The following MED13 variants were observed in gnomAD, a reference collection of about 807,000 sequenced individuals.
MED13 encodes the protein mediator complex subunit 13, also known as mediator of RNA polymerase II transcription subunit 13.
In MED13, 23 loss-of-function variants were observed where a neutral mutation model predicts 225.2. The ratio of observed to expected loss-of-function variants is 0.10; its 90% CI spans 0.07 to 0.14. MED13 has a LOEUF of 0.14. MED13 is among the 10% of genes least tolerant of loss of function. MED13 has a pLI of 1.00. For synonymous variants in MED13, 942 were observed against 889.2 expected, an observed-to-expected ratio of 1.06 and a Z score of -1.06; for missense variants, 2,197 against 2,594.5, an observed-to-expected ratio of 0.85 and a Z score of 3.33.
In MED13 at chr17:61,956,178, C is replaced by T. The variant is rs529312135; in HGVS notation, c.5623+161G>A. Among the ~76,000 whole-genome samples the T allele has an allele frequency of 1.4e-4, 21 of 152,258 alleles. 1 individual carries two copies. In the East Asian group the frequency reaches 3.9e-3, roughly 28 times the overall value. ...TAAAGTTAAAATAAGAGTAAAATGT[C>T]TTTTTAAAATTTGAATTAAGCCATT... is the stretch of plus-strand genomic sequence containing the variant. On this transcript the variant is annotated intron_variant, in intron 24 of 29. Transcript: ENST00000397786.
chr17:61,972,422 A>AT (rs967095146), intron 17 of MED13, among the ~76,000 whole-genome samples: 225 of 151,606 alleles, frequency 1.5e-3, no homozygotes, highest in African/African-American at 5.2e-3. Context: ...TAACAAAAGT[A>AT]TTTTTTTTGC....
rs750005064 is a variant in MED13 at position 61,965,221 on chromosome 17, G to A, written c.4629C>T (p.Ser1543=). The change falls in exon 20 of 30, where the codon TCC becomes TCT. Residue 1543 remains serine, a synonymous_variant. Transcript: ENST00000397786. The stretch of plus-strand genomic sequence containing the variant: ...ATGATACTCCACTATTCAAGTTGGA[G>A]GATGATGAAGATGAAGTTGAAGCTG... The part of the protein sequence containing the change: ...LTTASTSSSS[S]SNLNSGVSSN... The A allele has an allele frequency of 6.2e-6, 10 of 1,614,056 alleles. No homozygotes were observed. Among genetic ancestry groups the A allele is most frequent in the Admixed American group, 1.7e-5 (1 of 60,006 alleles).
intron 16 of MED13, among the ~76,000 whole-genome samples, chr17:61,981,427 A>G (rs780937619): frequency 6.0e-5 from 9 of 150,704 alleles, no homozygotes; most frequent in Non-Finnish European, 1.0e-4. Flanking sequence ...AAGGCCTTAC[A>G]TGGTCTATAA....
At position 62,031,553 on chromosome 17, in the gene MED13, G is replaced by C. The variant is rs771407332; in HGVS notation, c.900C>G (p.His300Gln). 1 of 1,613,950 alleles carries C rather than the reference G, an allele frequency of 6.2e-7. No homozygotes were observed. The highest frequency in any genetic ancestry group is 8.5e-7 in the Non-Finnish European group (1 of 1,179,954). Reference protein sequence around the residue: ...IPTPSPVGSTHCSSSCLGVHQ... With the variant: ...IPTPSPVGSTQCSSSCLGVHQ... ...GGACACCCAAGCAAGAAGATGAACA[G>C]TGAGTGGATCCCACAGGGCTAGGAG... The change falls in exon 6 of 30, where the codon CAC becomes CAG. Residue 300 changes from histidine (H) to glutamine (Q), a missense_variant. By Grantham distance (24) the His-to-Gln change is conservative. This residue lies in a region of MED13 where 884 missense variants were observed against 918.5 expected (regional missense o/e 0.96). Coordinates refer to ENST00000397786, the MANE Select transcript of MED13 (RefSeq NM_005121.3).
intron 4 of MED13, among the ~76,000 whole-genome samples, chr17:62,034,344 G>A (rs920828908): frequency 2.0e-5 from 3 of 151,922 alleles, no homozygotes; most frequent in Non-Finnish European, 4.4e-5. Context: ...AAAATTAGCT[G>A]GGTGTGGTTG....
intron 18 of MED13, among the ~76,000 whole-genome samples, chr17:61,966,876 A>T (rs879634780): frequency 3.3e-5 from 5 of 152,146 alleles, no homozygotes; most frequent in African/African-American, 1.2e-4. Context: ...GAAATTCATT[A>T]ATTTTTTTTC....
intron 9 of MED13, among the ~76,000 whole-genome samples, chr17:61,999,152 A>G (rs1025793585): frequency 7.9e-5 from 12 of 152,184 alleles, no homozygotes; most frequent in African/African-American, 2.7e-4. Flanking sequence ...TAGAGATCAA[A>G]TAATGTATTC....
At chr17:62,062,623 C>CACACACACACACACACAG (rs2081049949) in intron 2 of MED13, among the ~76,000 whole-genome samples, 2 of 149,584 alleles carry the variant, frequency 1.3e-5, no homozygotes, top group Non-Finnish European at 3.0e-5. Flanking sequence ...CACACACACA[C>CACACACACACACACACAG]ACACGGATAG....
rs377733568 is a variant in MED13, at chr17:61,968,215, C to T, written c.4011G>A (p.Leu1337=). ...CCAGATAATCATAATCATAACCCAA[C>T]AAAAATGTGGGGATTGGCAGTGGTT... The part of the protein sequence containing the change: ...SPEPLPIPTF[L]LGYDYDYLVL... Residue 1337 remains leucine (L), a synonymous_variant, in exon 18 of 30, where the codon TTG becomes TTA. Transcript: ENST00000397786. 4 of 1,613,920 alleles carry T rather than the reference C, an allele frequency of 2.5e-6. No individual in the cohort carries two copies. The highest frequency in any genetic ancestry group is 2.7e-5 in the African/African-American group (2 of 74,920).
Position 61,972,715 on chromosome 17 carries a change from T to C in MED13, c.3967+12A>G. On this transcript the variant is annotated intron_variant, in intron 17 of 29. Coordinates refer to ENST00000397786, the MANE Select transcript of MED13 (RefSeq NM_005121.3). ...TAAAATTAGTCATTATATATCACTA[T>C]AAATTACTTACCATAAGAGCCTCGG... 6.3e-7 allele frequency: 1 copy of C among 1,596,630 alleles called. No individual in the cohort carries two copies. The highest frequency in any genetic ancestry group is 1.1e-5 in the South Asian group (1 of 87,808).
chr17:61,947,521 T>A (rs533576360), intron 28 of MED13, among the ~76,000 whole-genome samples: 11 of 152,212 alleles, frequency 7.2e-5, no homozygotes, highest in Non-Finnish European at 1.5e-4. Context: ...GAGTAGTCTG[T>A]CCTTAAGATA....
intron 8 of MED13, among the ~76,000 whole-genome samples, chr17:62,020,534 G>A (rs926351766): frequency 1.1e-4 from 17 of 151,812 alleles, no homozygotes; most frequent in Non-Finnish European, 2.2e-4. Context: ...GCATCACCAC[G>A]CCCGGCTAAT....
chr17:61,990,629 A>G (rs750705519), intron 11 of MED13, among the ~76,000 whole-genome samples: 1,950 of 59,354 alleles, frequency 0.033, 28 homozygotes, highest in Non-Finnish European at 0.042. Context: ...CGCACTGTGT[A>G]TATATATATA....
chr17:61,982,359 C>G lies in MED13; in HGVS notation c.3644G>C (p.Gly1215Ala), dbSNP rs1414899579. 1 of 1,614,192 alleles carries G rather than the reference C, an allele frequency of 6.2e-7. No individual in the cohort carries two copies. The highest frequency in any genetic ancestry group is 8.5e-7 in the Non-Finnish European group (1 of 1,180,038). Residue 1215 changes from glycine (G) to alanine (A), a missense_variant, in exon 16 of 30, where the codon GGT (glycine) becomes GCT (alanine). Coordinates refer to ENST00000397786, the MANE Select transcript of MED13 (RefSeq NM_005121.3). ...AADQDPFPKS[G>A]VISNWVRVEE... ...AACACGTACCCAATTGCTAATTACA[C>G]CACTTTTAGGAAAAGGATCTTGGTC...
In MED13 at chr17:61,965,437, G is replaced by A. The variant is rs762803977; in HGVS notation, c.4413C>T (p.Ser1471=). Residue 1471 remains serine, a synonymous_variant, in exon 20 of 30, where the codon AGC becomes AGT. Coordinates refer to ENST00000397786, the MANE Select transcript of MED13 (RefSeq NM_005121.3). ...CTAAATTTGGCTGGGAAAGTAGAGA[G>A]CTGTCCAATGGCAGGGAAGCAAGAT... ...GPYLASLPLD[S]SLLSQPNLVA... is the part of the protein sequence containing the mutation. The A allele has an allele frequency of 3.1e-6, 5 of 1,613,964 alleles. No homozygotes were observed. The highest frequency in any genetic ancestry group is 2.2e-5 in the East Asian group (1 of 44,898).
chr17:62,044,225 ACTTC>A lies in MED13; in HGVS notation c.470+8308_470+8311del, dbSNP rs201161341. On this transcript the variant is annotated intron_variant, in intron 3 of 29. Transcript: ENST00000397786. Reference sequence around the variant, plus strand: ...AAATTTAAAGCATATTCTTTCATTTACTTCCTTAAAAAAAAAAAATCGATGAATT... The same window carrying A: ...AAATTTAAAGCATATTCTTTCATTTACTTAAAAAAAAAAAATCGATGAATT... Among the ~76,000 whole-genome samples, 95 of 151,538 alleles carry A rather than the reference ACTTC, an allele frequency of 6.3e-4. 3 individuals are homozygous for A. In the East Asian group the frequency reaches 0.017, roughly 27 times the overall value.
chr17:62,037,562 G>A (rs1380520258), intron 3 of MED13, among the ~76,000 whole-genome samples: 1 of 151,180 alleles, frequency 6.6e-6, no homozygotes, highest in Non-Finnish European at 1.5e-5. Context: ...AGCTACTCAG[G>A]AGGCTGAGGC....
At chr17:61,993,165 A>G (rs1603398858) in intron 10 of MED13, among the ~76,000 whole-genome samples, 1 of 151,424 alleles carries the variant, frequency 6.6e-6, no homozygotes, top group African/African-American at 2.4e-5. Flanking sequence ...TAAATCTGTC[A>G]AATTCCAAAG....
rs878872363 is a variant in MED13 at position 62,063,160 on chromosome 17, G to A, written c.208C>T (p.Arg70Trp). 2.5e-6 allele frequency: 4 copies of A among 1,614,008 alleles called. No individual in the cohort carries two copies. In the South Asian group the frequency reaches 3.3e-5, roughly 13 times the overall value. Reference protein sequence around the residue: ...CLKADVLGVWRRDQRPGRREL... With the variant: ...CLKADVLGVWWRDQRPGRREL... The stretch of plus-strand genomic sequence containing the variant: ...CTTCTTCCAGGTCTTTGATCTCGCC[G>A]CCAAACACCAAGTACATCTGCCTTA... The change falls in exon 2 of 30, where the codon CGG becomes TGG. Residue 70 changes from arginine (R) to tryptophan (W), a missense_variant. Arg to Trp is a moderately radical substitution (Grantham distance 101, BLOSUM62 -3). Transcript: ENST00000397786.
Sources: allele counts gnomAD v4.1 joint callset (sites outside exome capture counted in the v4.1 genomes callset), GRCh38; gene constraint gnomAD v4.1.1; regional missense constraint gnomAD v4.1.1; transcripts MANE v1.5; gene names NCBI Gene and HGNC (gene_info 2026-07-23, HGNC 2026-07-21).